Variants in PLCE1 observed in about 807,000 individuals in gnomAD.
PLCE1 encodes phospholipase C epsilon 1.
In PLCE1, 119 loss-of-function variants were observed where a neutral mutation model predicts 242.8. The ratio of observed to expected loss-of-function variants is 0.49; its 90% CI spans 0.42 to 0.57. The LOEUF (loss-of-function observed/expected upper bound fraction) is 0.57, where lower values mean the gene tolerates loss of function less well. Among genes scored for constraint, PLCE1 ranks in the 20% least tolerant of loss-of-function variants. The pLI is 0.00. For missense variants in PLCE1, 2,441 were observed against 2,788.8 expected (o/e 0.88, Z 2.81); for synonymous variants, 945 against 1,017.4 (o/e 0.93, Z 1.35).
chr10:94,290,095 T>C (rs965249576), intron 22 of PLCE1, among the ~76,000 whole-genome samples: 1 of 152,150 alleles, frequency 6.6e-6, no homozygotes, highest in Non-Finnish European at 1.5e-5. Context: ...GGTGGAATCA[T>C]GGCTCACCGT....
At chr10:94,230,885 C>T (rs1016483588) in intron 5 of PLCE1, among the ~76,000 whole-genome samples, 3 of 152,198 alleles carry the variant, frequency 2.0e-5, no homozygotes, top group African/African-American at 4.8e-5. Flanking sequence ...GCTGGGATTA[C>T]AGGCATGAGC....
chr10:94,165,287 G>A (rs886715318), intron 3 of PLCE1, among the ~76,000 whole-genome samples: 7 of 152,338 alleles, frequency 4.6e-5, no homozygotes, highest in Middle Eastern at 6.8e-3. Context: ...CCCAGTTCGA[G>A]CTTCCCGGCT....
At chr10:94,179,414 G>T (rs2048223503) in intron 4 of PLCE1, among the ~76,000 whole-genome samples, 1 of 152,092 alleles carries the variant, frequency 6.6e-6, no homozygotes. Flanking sequence ...TGCAGCTCTG[G>T]AGTCAGGCTG....
chr10:94,233,933 G>A lies in PLCE1; in HGVS notation c.1956-121G>A. 3 of 874,988 alleles carry A rather than the reference G, an allele frequency of 3.4e-6. No homozygotes were observed. In the Admixed American group the frequency reaches 6.3e-5, roughly 18 times the overall value. The allele number at this position is 874,988 out of a possible 1,614,324, so 54.2% of individuals were successfully genotyped here. On this transcript the variant is annotated intron_variant, in intron 5 of 32. Transcript: ENST00000371380. Reference sequence around the variant, plus strand: ...ACTGCACTCCAGCCTGGGCAACAGAGTGAGACTCCACCTAAAAAAAAAAAA... The same window carrying A: ...ACTGCACTCCAGCCTGGGCAACAGAATGAGACTCCACCTAAAAAAAAAAAA...
intron 27 of PLCE1, among the ~76,000 whole-genome samples, chr10:94,309,793 G>C (rs190680751): frequency 1.2e-4 from 19 of 152,284 alleles, no homozygotes; most frequent in Admixed American, 3.9e-4. Flanking sequence ...CCAACACTTT[G>C]GGAGGCCAAG....
chr10:94,311,249 A>G (rs950378525), intron 27 of PLCE1, among the ~76,000 whole-genome samples: 1 of 152,152 alleles, frequency 6.6e-6, no homozygotes, highest in African/African-American at 2.4e-5. Flanking sequence ...GCCACTGGTG[A>G]TCAGTTCAGT....
intron 2 of PLCE1, among the ~76,000 whole-genome samples, chr10:94,086,998 TG>T (rs2044850899): frequency 6.6e-6 from 1 of 152,168 alleles, no homozygotes; most frequent in Non-Finnish European, 1.5e-5. Context: ...AATTCTTGTT[TG>T]GATGCATAAA....
chr10:94,255,575 A>C (rs901374989), intron 11 of PLCE1, among the ~76,000 whole-genome samples: 6 of 152,220 alleles, frequency 3.9e-5, no homozygotes, highest in African/African-American at 1.4e-4. Flanking sequence ...CTAATCGATG[A>C]AATATATTTA....
Position 94,332,601 on chromosome 10 carries a change from C to T in PLCE1, c.*4658C>T, listed in dbSNP as rs1172554130. The T allele has an allele frequency of 1.3e-5, 2 of 150,150 alleles. No homozygotes were observed. Among genetic ancestry groups the T allele is most frequent in the East Asian group, 2.0e-4 (1 of 5,110 alleles). The allele number at this position is 150,150 out of a possible 1,614,324, so 9.3% of individuals were successfully genotyped here. On this transcript the variant is annotated 3_prime_UTR_variant, in exon 33 of 33. Transcript: ENST00000371380. The stretch of plus-strand genomic sequence containing the variant: ...TGTAAGTTAATGCACAAATATATTT[C>T]CTCAAATTCACATAGGATACTCAAA...
intron 2 of PLCE1, among the ~76,000 whole-genome samples, chr10:94,097,082 T>A (rs78005848): frequency 0.015 from 2,305 of 152,322 alleles, 44 homozygotes; most frequent in African/African-American, 0.048. Flanking sequence ...TAACTGATGA[T>A]GAAACTGAGG....
intron 24 of PLCE1, among the ~76,000 whole-genome samples, chr10:94,300,826 C>T (rs1452784440): frequency 1.3e-5 from 2 of 152,098 alleles, no homozygotes; most frequent in African/African-American, 2.4e-5. Flanking sequence ...TTTGGGAGGC[C>T]GAGGTGGGTG....
intron 3 of PLCE1, among the ~76,000 whole-genome samples, chr10:94,153,284 C>A (rs1363457618): frequency 6.6e-6 from 1 of 151,788 alleles, no homozygotes; most frequent in Non-Finnish European, 1.5e-5. Flanking sequence ...TCAATCAATG[C>A]AATATATCAT....
chr10:94,024,290 G>A (rs574030490), intron 1 of PLCE1, among the ~76,000 whole-genome samples: 1 of 152,232 alleles, frequency 6.6e-6, no homozygotes, highest in South Asian at 2.1e-4. Flanking sequence ...CTCTAAAGAA[G>A]CAAATAGGGA....
chr10:94,009,244 A>G (rs1417278845), intron 1 of PLCE1, among the ~76,000 whole-genome samples: 10 of 152,230 alleles, frequency 6.6e-5, no homozygotes, highest in African/African-American at 2.4e-4. Context: ...CAAGAGACAG[A>G]GAAGGGGGAG....
Position 94,313,345 on chromosome 10 carries a change from T to C in PLCE1, c.6095T>C (p.Ile2032Thr). Reference protein sequence around the residue: ...PGPEPFTVFTINGGTKAKQLL... With the variant: ...PGPEPFTVFTTNGGTKAKQLL... The stretch of plus-strand genomic sequence containing the variant: ...CCAGAGCCCTTTACCGTTTTCACTA[T>C]TAATGGAGGCACCAAGGCAAAGCAG... The change falls in exon 28 of 33, where the codon ATT (isoleucine) becomes ACT (threonine). Residue 2032 changes from isoleucine to threonine, a missense_variant. Physicochemically the swap from Ile to Thr is moderately conservative, Grantham distance 89. Transcript: ENST00000371380. 1 of 1,614,190 alleles carries C rather than the reference T, an allele frequency of 6.2e-7. No homozygotes were observed.
intron 2 of PLCE1, among the ~76,000 whole-genome samples, chr10:94,125,533 C>T (rs1034095589): frequency 1.3e-5 from 2 of 152,138 alleles, no homozygotes; most frequent in African/African-American, 4.8e-5. Flanking sequence ...GCTGGGACTA[C>T]AGACACCTAG....
chr10:94,079,615 A>G (rs2044600175), intron 2 of PLCE1, among the ~76,000 whole-genome samples: 1 of 152,146 alleles, frequency 6.6e-6, no homozygotes, highest in Non-Finnish European at 1.5e-5. Flanking sequence ...AAAGAAATTT[A>G]ATTTAACATA....
rs1194419762 is a variant in PLCE1, at chr10:94,270,622, G to T, written c.4506+20G>T. The T allele has an allele frequency of 7.2e-7, 1 of 1,398,226 alleles. No individual in the cohort carries two copies. The highest frequency in any genetic ancestry group is 1.2e-5 in the South Asian group (1 of 86,644). The allele number at this position is 1,398,226 out of a possible 1,614,324, so 86.6% of individuals were successfully genotyped here. Reference sequence around the variant, plus strand: ...TTCAAGGTGAGCTCTCAACAAAAAGGCAGGATGGTATGTTGGCCCTTGTTT... The same window carrying T: ...TTCAAGGTGAGCTCTCAACAAAAAGTCAGGATGGTATGTTGGCCCTTGTTT... On this transcript the variant is annotated intron_variant, in intron 18 of 32. Transcript: ENST00000371380.
At chr10:94,085,795 C>T (rs887430868) in intron 2 of PLCE1, among the ~76,000 whole-genome samples, 6 of 152,172 alleles carry the variant, frequency 3.9e-5, no homozygotes, top group Non-Finnish European at 8.8e-5. Flanking sequence ...TAGCCTGTCA[C>T]GAGCAGGCTG....
Sources: allele counts gnomAD v4.1 joint callset (sites outside exome capture counted in the v4.1 genomes callset), GRCh38; gene constraint gnomAD v4.1.1; transcripts MANE v1.5; gene names NCBI Gene and HGNC (gene_info 2026-07-23, HGNC 2026-07-21).